LYPD5: variants seen among roughly 807,000 people sequenced by gnomAD.
LYPD5 encodes ly6/PLAUR domain-containing protein 5.
LYPD5 carries 21 observed loss-of-function variants against 19.1 expected under a neutral mutation model. The ratio of observed to expected loss-of-function variants is 1.10; its 90% CI spans 0.78 to 1.58. The LOEUF is 1.58. Among genes scored for constraint, LYPD5 ranks in the 40% most tolerant of loss-of-function variants. The pLI is 0.00. For missense variants in LYPD5, 287 were observed against 329.8 expected (o/e 0.87, Z 1.00); for synonymous variants, 128 against 142.7 (o/e 0.90, Z 0.74).
At chr19:43,802,804 A>G (rs10419392), upstream of LYPD5, among the ~76,000 whole-genome samples, 140,665 of 151,970 alleles carry the variant, frequency 0.93, 65,310 homozygotes, top group South Asian at 0.98. Flanking sequence ...TCGTCCCATC[A>G]TCTAAACCTT....
At chr19:43,803,047 G>A (rs1365522734), upstream of LYPD5, among the ~76,000 whole-genome samples, 2 of 152,124 alleles carry the variant, frequency 1.3e-5, no homozygotes, top group African/African-American at 4.8e-5. Flanking sequence ...AGACACAAAA[G>A]AGAAACAGAG....
At chr19:43,819,453 A>C (rs1421394163) in intron 1 of LYPD5, among the ~76,000 whole-genome samples, 51 of 151,986 alleles carry the variant, frequency 3.4e-4, no homozygotes, top group Admixed American at 3.3e-3. Context: ...AGCGGGTTAC[A>C]GTGACCGGTA....
At chr19:43,810,542 TCCC>T (rs1568406178) in intron 1 of LYPD5, among the ~76,000 whole-genome samples, 1 of 45,552 alleles carries the variant, frequency 2.2e-5, no homozygotes, top group Non-Finnish European at 4.6e-5. Context: ...TTCCCTCCCC[TCCC>T]CTCCCCTCCC....
rs1212680807 is a variant in LYPD5 at position 43,796,321 on chromosome 19, T to C, written c.*1270A>G. The C allele has an allele frequency of 6.7e-6, 1 of 149,486 alleles. No individual in the cohort carries two copies. The highest frequency in any genetic ancestry group is 1.5e-5 in the Non-Finnish European group (1 of 67,118). The allele number at this position is 149,486 out of a possible 1,614,324, so 9.3% of individuals were successfully genotyped here. A position where few individuals can be genotyped will look rare whatever the true frequency, so the allele number is the denominator to read the frequency against. On this transcript the variant is annotated 3_prime_UTR_variant, in exon 5 of 5. Coordinates refer to ENST00000377950, the MANE Select transcript of LYPD5 (RefSeq NM_001031749.3). ...GCAAAAAGCATGTGAAAGAACATGGTCAAGCATGTGCACAGAGAACATGCT... is the reference window on the plus strand; with the variant it reads ...GCAAAAAGCATGTGAAAGAACATGGCCAAGCATGTGCACAGAGAACATGCT...
rs1970169674 is a variant in LYPD5, at chr19:43,798,545, G to A, written c.427C>T (p.Gln143Ter). 6.2e-7 allele frequency: 1 copy of A among 1,611,876 alleles called. No homozygotes were observed. The highest frequency in any genetic ancestry group is 1.7e-5 in the Admixed American group (1 of 60,032). Residue 143 changes from glutamine to a stop codon, truncating the protein, a stop_gained, in exon 4 of 5, where the codon CAG becomes TAG. Transcript: ENST00000377950. LOFTEE classifies it high-confidence loss of function. ...AECYACIGVH[Q>*]DDCAIGRSRR... ...GACCTGCCGATAGCGCAGTCATCCT[G>A]GTGGACCCCGATACAGGCGTAGCAC...
rs760350680 is a variant in LYPD5 at position 43,797,788 on chromosome 19, G to T, written c.559C>A (p.Pro187Thr). 3.7e-6 allele frequency: 6 copies of T among 1,613,838 alleles called. No homozygotes were observed. The highest frequency in any genetic ancestry group is 5.1e-6 in the Non-Finnish European group (6 of 1,179,888). Residue 187 changes from proline (P) to threonine (T), a missense_variant, in exon 5 of 5, where the codon CCC (proline) becomes ACC (threonine). Coordinates refer to ENST00000377950, the MANE Select transcript of LYPD5 (RefSeq NM_001031749.3). ...GTGGTGCCCTCGGTGGTGCAGGAGG[G>T]CCGGTGGCAGGTTCTGATGTACACA... The part of the protein sequence containing the change: ...VPVYIRTCHR[P>T]SCTTEGTTSP...
At position 43,799,754 on chromosome 19, in the gene LYPD5, T is replaced by A. The variant is rs780619337; in HGVS notation, c.145A>T (p.Ile49Phe). The stretch of plus-strand genomic sequence containing the variant: ...TCAAAGCACTCATGAGGACAGGAGA[T>A]GCTGGGCAGCTTCATGGCCCTGAGG... ...FDLRAMKLPS[I>F]SCPHECFEAI... Residue 49 changes from isoleucine (I) to phenylalanine (F), a missense_variant, in exon 2 of 5, where the codon ATC (isoleucine) becomes TTC (phenylalanine). Physicochemically the swap from Ile to Phe is conservative, Grantham distance 21. Transcript: ENST00000377950. 6.2e-7 allele frequency: 1 copy of A among 1,614,046 alleles called. No homozygotes were observed. Among genetic ancestry groups the A allele is most frequent in the Non-Finnish European group, 8.5e-7 (1 of 1,179,970 alleles).
chr19:43,818,133 T>C (rs1970388868), intron 1 of LYPD5, among the ~76,000 whole-genome samples: 1 of 152,212 alleles, frequency 6.6e-6, no homozygotes, highest in African/African-American at 2.4e-5. Flanking sequence ...GGTGAGTTCA[T>C]GGACTTACTG....
At chr19:43,820,041 G>C (rs1970406519) in intron 1 of LYPD5, among the ~76,000 whole-genome samples, 1 of 150,454 alleles carries the variant, frequency 6.6e-6, no homozygotes, top group African/African-American at 2.4e-5. Flanking sequence ...CGATTGTCTA[G>C]GGCACACTCC....
intron 1 of LYPD5, among the ~76,000 whole-genome samples, chr19:43,811,107 A>C (rs1970320200): frequency 6.6e-6 from 1 of 152,150 alleles, no homozygotes; most frequent in African/African-American, 2.4e-5. Context: ...AGAAGGCTCT[A>C]AATAAAAGGT....
chr19:43,800,633 C>T (rs572151610), intron 1 of LYPD5, among the ~76,000 whole-genome samples: 1 of 152,176 alleles, frequency 6.6e-6, no homozygotes, highest in African/African-American at 2.4e-5. Context: ...TTTAGAGATA[C>T]AGGAAAATGA....
intron 1 of LYPD5, among the ~76,000 whole-genome samples, chr19:43,817,804 C>A (rs911271174): frequency 6.6e-6 from 1 of 151,918 alleles, no homozygotes; most frequent in African/African-American, 2.4e-5. Flanking sequence ...GCAATCTCTG[C>A]CTCCCAGGTT....
rs1032391878 is a variant in LYPD5, at chr19:43,812,976, A to T, written c.-66+7564T>A. ...GCTGCTTCCACCCAGGCCCTGTTTT[A>T]GCTGGTCCTCAATTAGGTCTGGTGT... is the stretch of plus-strand genomic sequence containing the variant. On this transcript the variant is annotated intron_variant, in intron 1 of 4. Transcript: ENST00000414615. Among the ~76,000 whole-genome samples the T allele has an allele frequency of 2.6e-5, 4 of 152,276 alleles. No homozygotes were observed. In the East Asian group the frequency reaches 7.7e-4, roughly 29 times the overall value.
At chr19:43,806,806 C>T (rs1205139315), upstream of LYPD5, among the ~76,000 whole-genome samples, 2 of 152,178 alleles carry the variant, frequency 1.3e-5, no homozygotes, top group Non-Finnish European at 2.9e-5. Context: ...ATGTAATGCT[C>T]TTGAATCATC....
rs563361020 is a variant in LYPD5, at chr19:43,810,034, C to T, written c.-65-10200G>A. ...ATAAATTGTAAATCACTTTTGCAACCGTCAATAGCATGCACAATACATAAT... is the reference window on the plus strand; with the variant it reads ...ATAAATTGTAAATCACTTTTGCAACTGTCAATAGCATGCACAATACATAAT... On this transcript the variant is annotated intron_variant, in intron 1 of 4. Coordinates refer to the LYPD5 transcript ENST00000414615. 3.3e-5 allele frequency among the ~76,000 whole-genome samples: 5 copies of T among 152,198 alleles called. No homozygotes were observed. In the East Asian group the frequency reaches 5.8e-4, roughly 18 times the overall value.
At chr19:43,809,150 C>T (rs1420656117) in intron 1 of LYPD5, among the ~76,000 whole-genome samples, 1 of 151,650 alleles carries the variant, frequency 6.6e-6, no homozygotes, top group Non-Finnish European at 1.5e-5. Flanking sequence ...AGTGATTCTC[C>T]TGCCTCAGCC....
chr19:43,803,906 C>T (rs961729884), upstream of LYPD5, among the ~76,000 whole-genome samples: 1 of 151,962 alleles, frequency 6.6e-6, no homozygotes, highest in Non-Finnish European at 1.5e-5. Flanking sequence ...GGCGTGATCT[C>T]GGCTCACTGC....
Position 43,797,396 on chromosome 19 carries a change from T to G in LYPD5, c.*195A>C. ...ATGGCTGTTTTGCCCTCCCCGGGGATGCTGGTGACTGTGTCCAGTTTCTTC... is the reference window on the plus strand; with the variant it reads ...ATGGCTGTTTTGCCCTCCCCGGGGAGGCTGGTGACTGTGTCCAGTTTCTTC... On this transcript the variant is annotated 3_prime_UTR_variant, in exon 5 of 5. Coordinates refer to ENST00000377950, the MANE Select transcript of LYPD5 (RefSeq NM_001031749.3). 1 of 569,446 alleles carries G rather than the reference T, an allele frequency of 1.8e-6. No individual in the cohort carries two copies. 35.3% of individuals were successfully genotyped at this position (569,446 alleles called of 1,614,324 possible).
At chr19:43,807,837 A>G (rs1284072363) in intron 1 of LYPD5, among the ~76,000 whole-genome samples, 1 of 152,212 alleles carries the variant, frequency 6.6e-6, no homozygotes, top group Non-Finnish European at 1.5e-5. Context: ...AGCTGAGGCA[A>G]TGCCCAAGGG....
Sources: gnomAD v4.1 joint callset for allele counts (sites outside exome capture counted in the v4.1 genomes callset) on GRCh38, gnomAD v4.1.1 for gene constraint, MANE v1.5 for transcripts, NCBI Gene and HGNC (gene_info 2026-07-23, HGNC 2026-07-21) for gene names.